The following ANO2 variants were observed in gnomAD, a reference collection of about 807,000 sequenced individuals.
ANO2 encodes anoctamin 2.
Under a neutral mutation model 124.2 loss-of-function variants are expected in ANO2, and 101 were observed. The ratio of observed to expected loss-of-function variants is 0.81; its 90% CI spans 0.69 to 0.96. The LOEUF (loss-of-function observed/expected upper bound fraction) is 0.96. ANO2 is among the 40% of genes least tolerant of loss of function. The pLI, the probability that ANO2 is intolerant of heterozygous loss-of-function variation, is 0.00. For synonymous variants in ANO2, 486 were observed against 482.5 expected, an observed-to-expected ratio of 1.01 and a Z score of -0.09; for missense variants, 1,293 against 1,274.5, an observed-to-expected ratio of 1.01 and a Z score of -0.22.
intron 1 of ANO2, among the ~76,000 whole-genome samples, chr12:5,942,488 G>A (rs367655942): frequency 1.3e-5 from 2 of 151,970 alleles, no homozygotes; most frequent in Non-Finnish European, 2.9e-5. Context: ...ATTACATAAT[G>A]ACAGCCATGT....
intron 3 of ANO2, chr12:5,870,195 A>G (rs563025355): frequency 1.3e-4 from 20 of 152,402 alleles, no homozygotes; most frequent in African/African-American, 4.8e-4. Context: ...CCTGCTGTGC[A>G]TGGCAGGTTC....
At chr12:5,920,987 C>T (rs112864756) in intron 3 of ANO2, 53 bp downstream of exon 3, 19,328 of 1,552,078 alleles carry the variant, frequency 0.012, 170 homozygotes, top group Non-Finnish European at 0.014. Context: ...ACTAGGAGCC[C>T]GGTTCTGTGG....
Position 5,575,861 on chromosome 12 carries a change from T to C in ANO2, c.2594A>G (p.Gln865Arg). The change falls in exon 23 of 25, where the codon CAG becomes CGG. Residue 865 changes from glutamine (Q) to arginine (R), a missense_variant. Physicochemically the swap from Gln to Arg is conservative, Grantham distance 43. Coordinates refer to ENST00000682330, the MANE Select transcript of ANO2 (RefSeq NM_001364791.2). Reference protein sequence around the residue: ...LKEGTQPENSQFDQEVQFCRF... With the variant: ...LKEGTQPENSRFDQEVQFCRF... The stretch of plus-strand genomic sequence containing the variant: ...GCAGAACTGAACCTCCTGGTCAAAC[T>C]GTGAGTTTTCTGGCTGCGTCCCCTC... 1.9e-5 allele frequency: 30 copies of C among 1,613,916 alleles called. No homozygotes were observed. Among genetic ancestry groups the C allele is most frequent in the Non-Finnish European group, 2.5e-5 (30 of 1,179,866 alleles).
At chr12:5,848,638 A>T (rs1954764406) in intron 4 of ANO2, among the ~76,000 whole-genome samples, 1 of 152,122 alleles carries the variant, frequency 6.6e-6, no homozygotes, top group South Asian at 2.1e-4. Flanking sequence ...CGCAGACCTC[A>T]CAGGTGGAGC....
At chr12:5,843,491 A>C (rs1187429239) in intron 4 of ANO2, among the ~76,000 whole-genome samples, 1 of 152,122 alleles carries the variant, frequency 6.6e-6, no homozygotes, top group Non-Finnish European at 1.5e-5. Flanking sequence ...CAGAGTTTGC[A>C]GTGAGCCGAG....
At chr12:5,905,132 G>C (rs1206682081) in intron 3 of ANO2, among the ~76,000 whole-genome samples, 5 of 152,124 alleles carry the variant, frequency 3.3e-5, no homozygotes, top group Admixed American at 6.5e-5. Context: ...TGGCAGCAAG[G>C]GTTCCCAGGG....
intron 14 of ANO2, among the ~76,000 whole-genome samples, chr12:5,689,361 T>C (rs1591913060): frequency 6.6e-6 from 1 of 151,558 alleles, no homozygotes; most frequent in African/African-American, 2.4e-5. Flanking sequence ...AGCCCAGGAG[T>C]AGACAAGGAG....
chr12:5,873,223 CTCTCTCTCTCTCTCTCTCTCTCTG>C, intron 3 of ANO2, among the ~76,000 whole-genome samples: 1 of 149,928 alleles, frequency 6.7e-6, no homozygotes, highest in Non-Finnish European at 1.5e-5. Context: ...CTCTCTCTCT[CTCTCTCTCTCTCTCTCTCTCTCTG>C]TCTGTCTCTC....
At chr12:5,612,391 G>A (rs1005954189) in intron 19 of ANO2, among the ~76,000 whole-genome samples, 5 of 152,094 alleles carry the variant, frequency 3.3e-5, no homozygotes, top group African/African-American at 1.2e-4. Flanking sequence ...TGCACTCTGG[G>A]GGCCAAGACA....
intron 9 of ANO2, among the ~76,000 whole-genome samples, chr12:5,803,759 C>A (rs143635661): frequency 6.6e-6 from 1 of 152,190 alleles, no homozygotes; most frequent in Non-Finnish European, 1.5e-5. Context: ...CTCTTCTTAA[C>A]GACCCTCCAG....
intron 10 of ANO2, among the ~76,000 whole-genome samples, chr12:5,797,665 C>G (rs548691533): frequency 1.3e-5 from 2 of 152,286 alleles, no homozygotes; most frequent in South Asian, 4.2e-4. Flanking sequence ...ACCACCATCA[C>G]CATCTGCCTT....
chr12:5,772,721 T>C (rs1025259015), intron 10 of ANO2, among the ~76,000 whole-genome samples: 20 of 152,364 alleles, frequency 1.3e-4, no homozygotes, highest in African/African-American at 4.8e-4. Flanking sequence ...CGCCTTTATG[T>C]ATAGTGAATA....
chr12:5,739,300 T>C lies in ANO2; in HGVS notation c.1434+17A>G. 1 of 1,580,368 alleles carries C rather than the reference T, an allele frequency of 6.3e-7. No individual in the cohort carries two copies. Among genetic ancestry groups the C allele is most frequent in the African/African-American group, 1.3e-5 (1 of 74,390 alleles). ...AAAGCCCACAGAAGTATGTGAGAAA[T>C]ACGTGAGAGAACTCACTTCTTCCTC... On this transcript the variant is annotated intron_variant, in intron 13 of 24. Coordinates refer to ENST00000682330, the MANE Select transcript of ANO2 (RefSeq NM_001364791.2).
At chr12:5,655,564 G>A (rs1419146935) in intron 14 of ANO2, among the ~76,000 whole-genome samples, 1 of 152,118 alleles carries the variant, frequency 6.6e-6, no homozygotes, top group Non-Finnish European at 1.5e-5. Context: ...GCTGGGTGTG[G>A]CCACCCAGCC....
chr12:5,852,004 C>T (rs1954927510), intron 4 of ANO2: 1 of 723,182 alleles, frequency 1.4e-6, no homozygotes. Context: ...GGAAACAAGA[C>T]ACAAATAGAA....
In ANO2 at chr12:5,575,820, G is replaced by A. The variant is rs1942366519; in HGVS notation, c.2621+14C>T. On this transcript the variant is annotated intron_variant, in intron 23 of 24. Coordinates refer to ENST00000682330, the MANE Select transcript of ANO2 (RefSeq NM_001364791.2). ...TCTGGTCCTCTGCTGCCCTTCTCCT[G>A]AAGATTACTTTACCTGCAGAACTGA... is the stretch of plus-strand genomic sequence containing the variant. 6.2e-7 allele frequency: 1 copy of A among 1,612,234 alleles called. No individual in the cohort carries two copies. The highest frequency in any genetic ancestry group is 2.2e-5 in the East Asian group (1 of 44,872).
At chr12:5,752,221 T>C (rs994876636) in intron 10 of ANO2, among the ~76,000 whole-genome samples, 1 of 152,212 alleles carries the variant, frequency 6.6e-6, no homozygotes, top group African/African-American at 2.4e-5. Context: ...CTTTAATTCC[T>C]TAAGATATAC....
chr12:5,749,128 AG>A (rs1457287828), intron 11 of ANO2, among the ~76,000 whole-genome samples: 1 of 152,204 alleles, frequency 6.6e-6, no homozygotes, highest in Non-Finnish European at 1.5e-5. Context: ...ACCAGTAGGC[AG>A]GAAGCAGGTG....
At chr12:5,863,106 G>A (rs376931444) in intron 3 of ANO2, among the ~76,000 whole-genome samples, 5 of 152,070 alleles carry the variant, frequency 3.3e-5, no homozygotes, top group Admixed American at 2.6e-4. Flanking sequence ...ACGTGGAACT[G>A]TGAGTCCATT....
Sources: gnomAD v4.1 joint callset for allele counts (sites outside exome capture counted in the v4.1 genomes callset) on GRCh38, gnomAD v4.1.1 for gene constraint, MANE v1.5 for transcripts, NCBI Gene and HGNC (gene_info 2026-07-23, HGNC 2026-07-21) for gene names.